The following PEX16 variants were observed in gnomAD, a reference collection of about 807,000 sequenced individuals.
The protein encoded by PEX16 is peroxin 16.
PEX16 carries 37 observed loss-of-function variants against 50.5 expected under a neutral mutation model. The observed-to-expected ratio is 0.73, with a 90% CI of 0.56 to 0.96. PEX16 has a LOEUF of 0.96. PEX16 is among the 40% of genes least tolerant of loss of function. The probability of loss-of-function intolerance (pLI) is 0.00; values close to 1 mark genes in which losing one functional copy is unlikely to be tolerated. For synonymous variants in PEX16, 185 were observed against 190.3 expected (o/e 0.97, Z 0.23); for missense variants, 401 against 438.3 (o/e 0.91, Z 0.76).
upstream of PEX16, chr11:45,917,984 T>C: frequency 1.5e-6 from 1 of 676,010 alleles, no homozygotes; most frequent in Non-Finnish European, 2.7e-6. Flanking sequence ...TCACCCCATC[T>C]CTTGAACCGC....
Position 45,916,245 on chromosome 11 carries a change from A to C in PEX16, c.207T>G (p.Leu69=). The C allele has an allele frequency of 6.2e-7, 1 of 1,613,890 alleles. No individual in the cohort carries two copies. Among genetic ancestry groups the C allele is most frequent in the Non-Finnish European group, 8.5e-7 (1 of 1,179,962 alleles). The part of the protein sequence containing the change: ...LLNDGILRKE[L]RKKLPVSLSQ... ...TTCTCACCACAGGCAACTTTTTCCG[A>C]AGCTCCTTCCGTAGGATCCCGTCAT... Residue 69 remains leucine, a synonymous_variant, in exon 3 of 11, where the codon CTT becomes CTG. Transcript: ENST00000378750.
intron 9 of PEX16, among the ~76,000 whole-genome samples, chr11:45,911,534 C>CAT (rs2086778204): frequency 6.6e-6 from 1 of 152,236 alleles, no homozygotes; most frequent in Non-Finnish European, 1.5e-5. Flanking sequence ...GATGACAATA[C>CAT]ATAGCGCTAC....
rs754748410 is a variant in PEX16 at position 45,915,558 on chromosome 11, G to A, written c.370C>T (p.Arg124Trp). The change falls in exon 5 of 11, where the codon CGG (arginine) becomes TGG (tryptophan). Residue 124 changes from arginine to tryptophan, a missense_variant. Coordinates refer to ENST00000378750, the MANE Select transcript of PEX16 (RefSeq NM_004813.4). ...ALVQLAKAVL[R>W]MLLLLWFKAG... is the part of the protein sequence containing the mutation. ...TTGAACCAGAGCAGCAGGAGCATCC[G>A]CAGTACAGCCCTGGGTCGGGGAGTA... The A allele has an allele frequency of 1.2e-5, 19 of 1,614,000 alleles. No individual in the cohort carries two copies. The highest frequency in any genetic ancestry group is 2.2e-5 in the East Asian group (1 of 44,878).
At position 45,910,227 on chromosome 11, in the gene PEX16, C is replaced by T. The variant is rs747635330; in HGVS notation, c.*27G>A. On this transcript the variant is annotated 3_prime_UTR_variant, in exon 11 of 11. Coordinates refer to ENST00000378750, the MANE Select transcript of PEX16 (RefSeq NM_004813.4). ...AAGAGGGGCTCCCTGCCCCACCCCT[C>T]CCCACACCCTCCTTCCGGGAGGTCT... The T allele has an allele frequency of 2.5e-6, 4 of 1,602,894 alleles. No homozygotes were observed. The highest frequency in any genetic ancestry group is 3.4e-6 in the Non-Finnish European group (4 of 1,170,914).
In PEX16 at chr11:45,914,788, A is replaced by G. The variant is rs2086816941; in HGVS notation, c.461-104T>C. 98 of 974,306 alleles carry G rather than the reference A, an allele frequency of 1.0e-4. 2 individuals carry two copies. In the South Asian group the frequency reaches 1.2e-3, roughly 12 times the overall value. 60.4% of individuals were successfully genotyped at this position (974,306 alleles called of 1,614,324 possible). ...TGCTCAGGAGCTAAGGGGAGAACAG[A>G]TGAGCTTGTACTATGGCAACAGCTG... On this transcript the variant is annotated intron_variant, in intron 5 of 10. Transcript: ENST00000378750.
At chr11:45,911,577 G>A (rs900457647) in intron 9 of PEX16, among the ~76,000 whole-genome samples, 2 of 152,224 alleles carry the variant, frequency 1.3e-5, no homozygotes, top group South Asian at 2.1e-4. Flanking sequence ...TGCTGTACGC[G>A]TTAGTCACTG....
At chr11:45,917,334 G>C (rs1565082751) in intron 2 of PEX16, 124 bp downstream of exon 2, 1 of 838,408 alleles carries the variant, frequency 1.2e-6, no homozygotes, top group Non-Finnish European at 2.0e-6. Flanking sequence ...TGCCGATTCA[G>C]TCATAGCACA....
rs994999009 is a variant in PEX16, at chr11:45,917,187, A to G, written c.148+271T>C. The G allele has an allele frequency of 8.6e-6, 6 of 694,028 alleles. No individual in the cohort carries two copies. In the African/African-American group the frequency reaches 8.7e-5, roughly 10 times the overall value. The allele number at this position is 694,028 out of a possible 1,614,324, so 43.0% of individuals were successfully genotyped here. A position where few individuals can be genotyped will look rare whatever the true frequency, so the allele number is the denominator to read the frequency against. ...AATAAGTACCACTTAATATGACTGT[A>G]GGGAGGATTAACAAGTAAAGGTAAG... On this transcript the variant is annotated intron_variant, in intron 2 of 10. Coordinates refer to ENST00000378750, the MANE Select transcript of PEX16 (RefSeq NM_004813.4).
intron 10 of PEX16, among the ~76,000 whole-genome samples, chr11:45,910,616 C>T (rs1056916657): frequency 1.3e-5 from 2 of 152,190 alleles, no homozygotes; most frequent in South Asian, 4.1e-4. Flanking sequence ...ATTGAATCCC[C>T]CCAAGATGAG....
In PEX16 at chr11:45,910,066, G is replaced by A. The variant is rs1314040299; in HGVS notation, c.*188C>T. On this transcript the variant is annotated 3_prime_UTR_variant, in exon 11 of 11. Transcript: ENST00000378750. ...GCAGTGACAAGGTGCGGGCTGCAGT[G>A]GCATCGTCACAGGAGAGCGCAGTCA... 3 of 1,594,968 alleles carry A rather than the reference G, an allele frequency of 1.9e-6. No individual in the cohort carries two copies. The highest frequency in any genetic ancestry group is 2.7e-5 in the African/African-American group (2 of 74,658).
At chr11:45,916,121 G>T (rs767763962) in intron 3 of PEX16, 106 bp downstream of exon 3, 3 of 872,386 alleles carry the variant, frequency 3.4e-6, no homozygotes, top group Non-Finnish European at 5.9e-6. Context: ...ATGGACATAG[G>T]CCTGTCTCAT....
At chr11:45,916,175 T>C (rs1277880338) in intron 3 of PEX16, 52 bp downstream of exon 3, 12 of 1,345,684 alleles carry the variant, frequency 8.9e-6, no homozygotes, top group African/African-American at 1.4e-5. Context: ...GCTGCTACTA[T>C]TTCATTCCTG....
Position 45,913,961 on chromosome 11 carries a change from T to A in PEX16, c.768-23A>T, listed in dbSNP as rs201166085. 122 of 1,610,928 alleles carry A rather than the reference T, an allele frequency of 7.6e-5. No homozygotes were observed. The East Asian group carries it at 2.6e-3, about 34-fold the overall frequency. On this transcript the variant is annotated intron_variant, in intron 8 of 10. Transcript: ENST00000378750. Reference sequence around the variant, plus strand: ...AGGCTGGGAGGCAGGGAGGACATGGTCAGGGCCAGGGGCATGATCTAGGCC... The same window carrying A: ...AGGCTGGGAGGCAGGGAGGACATGGACAGGGCCAGGGGCATGATCTAGGCC...
At position 45,909,954 on chromosome 11, in the gene PEX16, C is replaced by A; in HGVS notation, c.*300G>T. On this transcript the variant is annotated 3_prime_UTR_variant, in exon 11 of 11. Transcript: ENST00000378750. ...TCGCTCCTATGGCTGCCGAGGCGAG[C>A]AGCTTCCCGGGCTCCATGAGGTGAA... The A allele has an allele frequency of 1.2e-6, 1 of 808,854 alleles. No homozygotes were observed. Among genetic ancestry groups the A allele is most frequent in the Non-Finnish European group, 2.1e-6 (1 of 480,438 alleles). 50.1% of individuals were successfully genotyped at this position (808,854 alleles called of 1,614,324 possible).
chr11:45,910,400 G>T (rs1353215663), intron 10 of PEX16, 88 bp from the exon 11 acceptor site: 1 of 1,116,992 alleles, frequency 9.0e-7, no homozygotes, highest in African/African-American at 1.5e-5. Flanking sequence ...TGCGGCCCAG[G>T]AGCCAGCCCA....
chr11:45,909,989 T>C lies in PEX16; in HGVS notation c.*265A>G. 8.9e-7 allele frequency: 1 copy of C among 1,129,518 alleles called. No individual in the cohort carries two copies. Among genetic ancestry groups the C allele is most frequent in the East Asian group, 2.4e-5 (1 of 42,486 alleles). The allele number at this position is 1,129,518 out of a possible 1,614,324, so 70.0% of individuals were successfully genotyped here. A position where few individuals can be genotyped will look rare whatever the true frequency, so the allele number is the denominator to read the frequency against. On this transcript the variant is annotated 3_prime_UTR_variant, in exon 11 of 11. Coordinates refer to ENST00000378750, the MANE Select transcript of PEX16 (RefSeq NM_004813.4). ...GGCTCCATGAGGTGAAGTCACCGCT[T>C]TCTGTGGGAGAGGAGCCTGGATCCC...
Position 45,914,425 on chromosome 11 carries a change from C to T in PEX16, c.585G>A (p.Arg195=), listed in dbSNP as rs1024606739. Residue 195 remains arginine, a synonymous_variant, in exon 7 of 11, where the codon CGG becomes CGA. Transcript: ENST00000378750. ...HSRHWGAPQQ[R]EGRQQQHHEE... ...CGTGATGCTGCTGCTGCCGTCCCTCCCGCTGCTGGGGAGCTCCCCAGTGCC... is the reference window on the plus strand; with the variant it reads ...CGTGATGCTGCTGCTGCCGTCCCTCTCGCTGCTGGGGAGCTCCCCAGTGCC... 1.9e-6 allele frequency: 3 copies of T among 1,608,912 alleles called. No individual in the cohort carries two copies. The highest frequency in any genetic ancestry group is 2.2e-5 in the East Asian group (1 of 44,878).
At position 45,914,340 on chromosome 11, in the gene PEX16, A is replaced by G; in HGVS notation, c.670T>C (p.Tyr224His). 1.2e-6 allele frequency: 2 copies of G among 1,612,812 alleles called. No individual in the cohort carries two copies. The highest frequency in any genetic ancestry group is 2.2e-5 in the South Asian group (2 of 91,092). ...CAGTGCAGCAGCGGCCGGGCAATGTACAAAAACTCTGCGATGGTCTCCTGC... is the reference window on the plus strand; with the variant it reads ...CAGTGCAGCAGCGGCCGGGCAATGTGCAAAAACTCTGCGATGGTCTCCTGC... ...GLQETIAEFL[Y>H]IARPLLHLLS... Residue 224 changes from tyrosine (Y) to histidine (H), a missense_variant, in exon 7 of 11, where the codon TAC (tyrosine) becomes CAC (histidine). Coordinates refer to ENST00000378750, the MANE Select transcript of PEX16 (RefSeq NM_004813.4).
intron 2 of PEX16, 76 bp from the exon 3 acceptor site, chr11:45,916,379 G>A (rs2086836135): frequency 8.7e-7 from 1 of 1,150,108 alleles, no homozygotes; most frequent in East Asian, 2.3e-5. Flanking sequence ...AGAGCTGCAG[G>A]GATCACCTGT....
Sources: gnomAD v4.1 joint callset for allele counts (sites outside exome capture counted in the v4.1 genomes callset) on GRCh38, gnomAD v4.1.1 for gene constraint, MANE v1.5 for transcripts, NCBI Gene and HGNC (gene_info 2026-07-23, HGNC 2026-07-21) for gene names.